EIF3A: variants seen among roughly 807,000 people sequenced by gnomAD.
EIF3A encodes the protein eukaryotic translation initiation factor 3 subunit A.
EIF3A carries 21 observed loss-of-function variants against 186.6 expected under a neutral mutation model. That is an observed-to-expected ratio of 0.11 (90% CI 0.08 to 0.16). The LOEUF (loss-of-function observed/expected upper bound fraction) is 0.16. Among genes scored for constraint, EIF3A ranks in the 10% least tolerant of loss-of-function variants. The pLI is 1.00. For missense variants in EIF3A, 1,306 were observed against 1,796.3 expected, an observed-to-expected ratio of 0.73 and a Z score of 4.93; for synonymous variants, 563 against 584.3, an observed-to-expected ratio of 0.96 and a Z score of 0.52.
intron 18 of EIF3A, among the ~76,000 whole-genome samples, chr10:119,043,636 C>A (rs541722061): frequency 6.6e-6 from 1 of 151,568 alleles, no homozygotes; most frequent in African/African-American, 2.4e-5. Context: ...AACAACAACA[C>A]AGGCCAAGTG....
chr10:119,067,007 G>C (rs1291259425), intron 6 of EIF3A, among the ~76,000 whole-genome samples: 2 of 151,998 alleles, frequency 1.3e-5, no homozygotes, highest in Non-Finnish European at 2.9e-5. Flanking sequence ...GAGGTCAGGA[G>C]TTCAAGACCA....
At position 119,051,321 on chromosome 10, in the gene EIF3A, T is replaced by A; in HGVS notation, c.2197A>T (p.Ile733Phe). 6.3e-7 allele frequency: 1 copy of A among 1,581,306 alleles called. No homozygotes were observed. Among genetic ancestry groups the A allele is most frequent in the Non-Finnish European group, 8.6e-7 (1 of 1,169,528 alleles). The part of the protein sequence containing the change: ...DLWEQQEEER[I>F]TTMQLEREKA... ...TCACGTTCTAGCTGCATTGTAGTAA[T>A]CTGCAAGTACAAATATTGTGAAATT... The change falls in exon 15 of 22, where the codon ATT becomes TTT. Residue 733 changes from isoleucine (I) to phenylalanine (F), a missense_variant and splice_region_variant. Physicochemically the swap from Ile to Phe is conservative, Grantham distance 21. Coordinates refer to ENST00000369144, the MANE Select transcript of EIF3A (RefSeq NM_003750.4).
Position 119,057,891 on chromosome 10 carries a change from T to C in EIF3A, c.1977+65A>G, listed in dbSNP as rs1467187426. 4 of 1,272,084 alleles carry C rather than the reference T, an allele frequency of 3.1e-6. No homozygotes were observed. The African/African-American group carries it at 4.5e-5, about 14-fold the overall frequency. 78.8% of individuals were successfully genotyped at this position (1,272,084 alleles called of 1,614,324 possible). ...AGTAAGCCAACAAATGGTAAAGGAC[T>C]GTGGTTCTAAGAGTACAAAATACCT... On this transcript the variant is annotated intron_variant, in intron 12 of 21. Coordinates refer to ENST00000369144, the MANE Select transcript of EIF3A (RefSeq NM_003750.4).
chr10:119,071,586 T>A (rs1250500010), intron 4 of EIF3A, among the ~76,000 whole-genome samples: 1 of 152,218 alleles, frequency 6.6e-6, no homozygotes, highest in South Asian at 2.1e-4. Flanking sequence ...TACCGTCACA[T>A]ATGCACTATT....
At chr10:119,051,456 T>C in intron 14 of EIF3A, 135 bp from the exon 15 acceptor site, 1 of 853,418 alleles carries the variant, frequency 1.2e-6, no homozygotes, top group Non-Finnish European at 1.7e-6. Context: ...ATGAAAACGT[T>C]AACTACATCC....
In EIF3A at chr10:119,064,469, CATG is replaced by C. The variant is rs375721160; in HGVS notation, c.1122+927_1122+929del. ...AGCACCATCCCCGTAGGCCCATCCT[CATG>C]ATAAGAGTTCTCCCAAGATCTGGTG... On this transcript the variant is annotated intron_variant, in intron 7 of 21. Coordinates refer to ENST00000369144, the MANE Select transcript of EIF3A (RefSeq NM_003750.4). 3.7e-4 allele frequency among the ~76,000 whole-genome samples: 57 copies of C among 152,278 alleles called. 1 individual carries two copies. In the East Asian group the frequency reaches 0.01, roughly 28 times the overall value.
chr10:119,037,373 C>T, intron 20 of EIF3A, 64 bp from the exon 21 acceptor site: 1 of 1,421,280 alleles, frequency 7.0e-7, no homozygotes, highest in South Asian at 1.2e-5. Context: ...ATTATAAGTA[C>T]ATCCAGTCCA....
rs971273649 is a variant in EIF3A at position 119,045,205 on chromosome 10, A to G, written c.2659-1063T>C. 3.3e-5 allele frequency among the ~76,000 whole-genome samples: 5 copies of G among 152,138 alleles called. 1 individual carries two copies. In the East Asian group the frequency reaches 9.6e-4, roughly 29 times the overall value. On this transcript the variant is annotated intron_variant, in intron 17 of 21. Transcript: ENST00000369144. ...ACTGATCCACCTGCCTAGGCTTCCC[A>G]AAGTTCTGAGATTATAGGTGTGAGC... is the stretch of plus-strand genomic sequence containing the variant.
At chr10:119,080,415 C>T (rs997116571) in intron 1 of EIF3A, 3 of 985,316 alleles carry the variant, frequency 3.0e-6, no homozygotes, top group Non-Finnish European at 3.6e-6. Flanking sequence ...GCCCCTGGGG[C>T]GACGGTTCCG....
At chr10:119,055,601 G>A (rs1197541034) in intron 14 of EIF3A, among the ~76,000 whole-genome samples, 1 of 152,124 alleles carries the variant, frequency 6.6e-6, no homozygotes, top group East Asian at 1.9e-4. Flanking sequence ...TGGGGGAGGT[G>A]TGATTCACAC....
At chr10:119,041,174 C>T (rs1848203594) in intron 19 of EIF3A, among the ~76,000 whole-genome samples, 1 of 151,546 alleles carries the variant, frequency 6.6e-6, no homozygotes. Context: ...CAAGACTCCA[C>T]CTCAAAAAGA....
intron 12 of EIF3A, among the ~76,000 whole-genome samples, chr10:119,057,590 C>G (rs984159945): frequency 6.6e-6 from 1 of 152,108 alleles, no homozygotes; most frequent in Non-Finnish European, 1.5e-5. Flanking sequence ...GCCTGGCCAA[C>G]ATGGTGAAAC....
In EIF3A at chr10:119,070,977, G is replaced by C; in HGVS notation, c.650C>G (p.Ala217Gly). Residue 217 changes from alanine to glycine, a missense_variant, in exon 5 of 22, where the codon GCA (alanine) becomes GGA (glycine). By Grantham distance (60) the Ala-to-Gly change is moderately conservative. Transcript: ENST00000369144. ...QIQRHHNQST[A>G]INLNNPESQS... ...GCTCTCTGGATTATTAAGATTGATT[G>C]CCGTACTTTGGTTATGGTGGCGCTG... 1 of 1,613,828 alleles carries C rather than the reference G, an allele frequency of 6.2e-7. No homozygotes were observed. The highest frequency in any genetic ancestry group is 8.5e-7 in the Non-Finnish European group (1 of 1,179,728).
rs74157625 is a variant in EIF3A, at chr10:119,058,956, A to G, written c.1629+256T>C. 7.8e-3 allele frequency among the ~76,000 whole-genome samples: 1,188 copies of G among 152,286 alleles called. 21 individuals carry two copies. Among genetic ancestry groups the G allele is most frequent in the African/African-American group, 0.028 (1,145 of 41,556 alleles). ...TGTATTTCACTATTTGAGGAATCCT[A>G]TGTCCACTCTGTTGTTTCTGTAACA... On this transcript the variant is annotated intron_variant, in intron 11 of 21. Transcript: ENST00000369144.
chr10:119,046,381 G>A (rs1356042244), intron 17 of EIF3A, among the ~76,000 whole-genome samples: 2 of 152,150 alleles, frequency 1.3e-5, no homozygotes, highest in African/African-American at 4.8e-5. Context: ...AAGACATTCT[G>A]AAAACTACTG....
intron 14 of EIF3A, among the ~76,000 whole-genome samples, chr10:119,054,621 G>C (rs1264409019): frequency 6.6e-6 from 1 of 151,490 alleles, no homozygotes. Context: ...TCAGCTACTC[G>C]GGAGGCTGAG....
chr10:119,042,921 G>A lies in EIF3A; in HGVS notation c.2748-149C>T. On this transcript the variant is annotated intron_variant, in intron 18 of 21. Coordinates refer to ENST00000369144, the MANE Select transcript of EIF3A (RefSeq NM_003750.4). This position sits in a 1 kb window ranked among gnomAD's most constrained non-coding sequence, Gnocchi z 7.8. ...TAATCCCAGCACTCTGGGAAGCAGA[G>A]GCAGGCAGATCACCTGAGGTCAGGA... 1 of 834,702 alleles carries A rather than the reference G, an allele frequency of 1.2e-6. No homozygotes were observed. The highest frequency in any genetic ancestry group is 1.8e-6 in the Non-Finnish European group (1 of 560,788). 51.7% of individuals were successfully genotyped at this position (834,702 alleles called of 1,614,324 possible). A position where few individuals can be genotyped will look rare whatever the true frequency, so the allele number is the denominator to read the frequency against.
chr10:119,080,415 C>G (rs997116571), intron 1 of EIF3A: 19 of 985,316 alleles, frequency 1.9e-5, no homozygotes, highest in Non-Finnish European at 2.2e-5. Flanking sequence ...GCCCCTGGGG[C>G]GACGGTTCCG....
At chr10:119,065,777 C>A (rs1189610077) in intron 6 of EIF3A, among the ~76,000 whole-genome samples, 1 of 152,104 alleles carries the variant, frequency 6.6e-6, no homozygotes, top group African/African-American at 2.4e-5. Flanking sequence ...AGAATCAGGA[C>A]TTCATCTATC....
Sources: allele counts gnomAD v4.1 joint callset (sites outside exome capture counted in the v4.1 genomes callset), GRCh38; gene constraint gnomAD v4.1.1; non-coding constraint Gnocchi (gnomAD v3.1); transcripts MANE v1.5; gene names NCBI Gene and HGNC (gene_info 2026-07-23, HGNC 2026-07-21).